The following HSPA4 variants were observed in gnomAD, a reference collection of about 807,000 sequenced individuals.
HSPA4 encodes the protein heat shock protein family A (Hsp70) member 4, also known as heat shock 70 kDa protein 4.
HSPA4 carries 25 observed loss-of-function variants against 106.2 expected under a neutral mutation model. That is an observed-to-expected ratio of 0.24 (90% CI 0.17 to 0.33). The LOEUF (loss-of-function observed/expected upper bound fraction) is 0.33, where lower values mean the gene tolerates loss of function less well. Ranked by LOEUF, HSPA4 falls within the 10% of genes least tolerant of loss-of-function variation. HSPA4 has a pLI of 1.00. For missense variants in HSPA4, 841 were observed against 996.0 expected (o/e 0.84, Z 2.10); for synonymous variants, 332 against 333.6 (o/e 1.00, Z 0.05).
At position 133,052,265 on chromosome 5, in the gene HSPA4, C is replaced by A; in HGVS notation, c.15C>A (p.Gly5=). Residue 5 remains glycine (G), a synonymous_variant, in exon 1 of 19, where the codon GGC becomes GGA. Transcript: ENST00000304858. MSVV[G]IDLGFQSCYV... is the part of the protein sequence containing the mutation. The stretch of plus-strand genomic sequence containing the variant: ...TAGCCGGCGCCATGTCGGTGGTGGG[C>A]ATAGACCTGGGCTTCCAGAGCTGCT... 1 of 1,592,540 alleles carries A rather than the reference C, an allele frequency of 6.3e-7. No homozygotes were observed. The highest frequency in any genetic ancestry group is 8.5e-7 in the Non-Finnish European group (1 of 1,172,838).
Position 133,070,356 on chromosome 5 carries a change from T to C in HSPA4, c.307-18T>C. The C allele has an allele frequency of 6.2e-7, 1 of 1,605,504 alleles. No individual in the cohort carries two copies. Among genetic ancestry groups the C allele is most frequent in the Non-Finnish European group, 8.5e-7 (1 of 1,177,220 alleles). The stretch of plus-strand genomic sequence containing the variant: ...AAGAAATATAATAAGTCTAGGCCCC[T>C]TTGTTGTTTTCTTGCAGGTGACATA... On this transcript the variant is annotated intron_variant, in intron 3 of 18. Coordinates refer to ENST00000304858, the MANE Select transcript of HSPA4 (RefSeq NM_002154.4).
chr5:133,098,927 C>T (rs760123131), intron 15 of HSPA4, among the ~76,000 whole-genome samples: 33 of 152,234 alleles, frequency 2.2e-4, no homozygotes, highest in Middle Eastern at 6.8e-3. Flanking sequence ...CCTCAGCCTC[C>T]CAAAGTGCTG....
intron 16 of HSPA4, chr5:133,101,525 G>A (rs1421212174): frequency 1.0e-5 from 4 of 394,742 alleles, no homozygotes; most frequent in Non-Finnish European, 1.8e-5. Context: ...TGGTCTCCCT[G>A]CTGTGTTTTG....
chr5:133,097,403 T>TC, intron 15 of HSPA4, 117 bp downstream of exon 15: 4 of 820,942 alleles, frequency 4.9e-6, no homozygotes, highest in Non-Finnish European at 7.4e-6. Flanking sequence ...ATGGAGTTTT[T>TC]CTGGGGGGGG....
intron 7 of HSPA4, among the ~76,000 whole-genome samples, chr5:133,080,818 C>T (rs1246687543): frequency 6.6e-6 from 1 of 151,846 alleles, no homozygotes; most frequent in Non-Finnish European, 1.5e-5. Context: ...CTTTCTAATT[C>T]TGATTTGTTC....
intron 4 of HSPA4, 28 bp downstream of exon 4, chr5:133,070,524 G>T: frequency 6.2e-7 from 1 of 1,610,420 alleles, no homozygotes; most frequent in Non-Finnish European, 8.5e-7. Context: ...ACATTATTGG[G>T]AATTTGCATG....
intron 17 of HSPA4, among the ~76,000 whole-genome samples, chr5:133,103,332 C>T (rs945716957): frequency 2.6e-5 from 4 of 151,364 alleles, no homozygotes; most frequent in East Asian, 3.9e-4. Flanking sequence ...GCTAAGATTA[C>T]GAGCGTGAGC....
rs750553611 is a variant in HSPA4, at chr5:133,101,761, T to A, written c.2040T>A (p.Asn680Lys). ...VYVDKLAELK[N>K]LGQPIKIRFQ... The stretch of plus-strand genomic sequence containing the variant: ...AGACTGTGTATTCTTCTGTTAAGAA[T>A]CTAGGTCAACCTATTAAGATACGTT... Residue 680 changes from asparagine to lysine, a missense_variant and splice_region_variant, in exon 17 of 19, where the codon AAT (asparagine) becomes AAA (lysine). By Grantham distance (94) the Asn-to-Lys change is moderately conservative. Around this residue, in one of 5 missense-constraint regions of HSPA4, gnomAD observed 328 missense variants for 372.2 expected, o/e 0.88. Transcript: ENST00000304858. 6.2e-7 allele frequency: 1 copy of A among 1,608,278 alleles called. No individual in the cohort carries two copies. The highest frequency in any genetic ancestry group is 1.1e-5 in the South Asian group (1 of 88,872).
chr5:133,088,560 A>C lies in HSPA4; in HGVS notation c.1137+5A>C. On this transcript the variant is annotated splice_donor_5th_base_variant and intron_variant, in intron 9 of 18. Coordinates refer to ENST00000304858, the MANE Select transcript of HSPA4 (RefSeq NM_002154.4). ...ACTCGAGGCTGTGCATTGCAGGTGA[A>C]TATTCTTTCTTTTATAGGTAACCAT... 6.2e-7 allele frequency: 1 copy of C among 1,610,384 alleles called. No homozygotes were observed. Among genetic ancestry groups the C allele is most frequent in the Non-Finnish European group, 8.5e-7 (1 of 1,176,884 alleles).
intron 1 of HSPA4, among the ~76,000 whole-genome samples, chr5:133,056,420 T>C (rs544093658): frequency 1.8e-4 from 28 of 152,290 alleles, no homozygotes; most frequent in African/African-American, 6.5e-4. Context: ...GTTGCGGTCA[T>C]GTGCATACAT....
rs1211417549 is a variant in HSPA4, at chr5:133,083,084, G to A, written c.909-3698G>A. Among the ~76,000 whole-genome samples the A allele has an allele frequency of 4.0e-5, 6 of 149,540 alleles. No homozygotes were observed. The East Asian group carries it at 1.2e-3, about 30-fold the overall frequency. On this transcript the variant is annotated intron_variant, in intron 7 of 18. Transcript: ENST00000304858. The stretch of plus-strand genomic sequence containing the variant: ...CGGGAGGTGGAGGCTGCAGTGAGCC[G>A]AGATACTGCCACTGCACTCCAGCCT...
At chr5:133,081,649 T>G (rs544985304) in intron 7 of HSPA4, among the ~76,000 whole-genome samples, 2 of 152,324 alleles carry the variant, frequency 1.3e-5, no homozygotes, top group Admixed American at 6.5e-5. Context: ...TATATACCCT[T>G]TTGTTTCCTT....
chr5:133,104,920 C>T lies in HSPA4; in HGVS notation c.*484C>T, dbSNP rs953161260. On this transcript the variant is annotated 3_prime_UTR_variant, in exon 19 of 19. Coordinates refer to ENST00000304858, the MANE Select transcript of HSPA4 (RefSeq NM_002154.4). ...GAGCATGGCACGGCATGGATTAACA[C>T]GGCAGAGGAACAAAGGTGTGCTCTG... 6 of 160,772 alleles carry T rather than the reference C, an allele frequency of 3.7e-5. No homozygotes were observed. The highest frequency in any genetic ancestry group is 7.2e-5 in the African/African-American group (3 of 41,496). 10.0% of individuals were successfully genotyped at this position (160,772 alleles called of 1,614,324 possible).
rs150323928 is a variant in HSPA4 at position 133,086,865 on chromosome 5, A to G, written c.985+7A>G. ...AGTGTTTTGGAACAAACCAGTAAGT[A>G]TTTTTGTGATTGAATTTGTTTGCGT... On this transcript the variant is annotated splice_region_variant and intron_variant, in intron 8 of 18. Transcript: ENST00000304858. 2,105 of 1,596,376 alleles carry G rather than the reference A, an allele frequency of 1.3e-3. 31 individuals carry two copies. Among genetic ancestry groups the G allele is most frequent in the South Asian group, 2.9e-4 (26 of 90,602 alleles).
chr5:133,089,782 G>T, intron 11 of HSPA4, 87 bp downstream of exon 11: 1 of 1,078,012 alleles, frequency 9.3e-7, no homozygotes, highest in Non-Finnish European at 1.3e-6. Context: ...GAAAGGCTAA[G>T]GTGGGAGGAT....
intron 15 of HSPA4, among the ~76,000 whole-genome samples, chr5:133,098,797 C>G (rs1235836020): frequency 6.6e-6 from 1 of 152,044 alleles, no homozygotes; most frequent in East Asian, 1.9e-4. Context: ...CTCAGCCTCC[C>G]TAGTAGCTGG....
At chr5:133,059,392 G>T (rs1157484546) in intron 1 of HSPA4, among the ~76,000 whole-genome samples, 4 of 151,446 alleles carry the variant, frequency 2.6e-5, no homozygotes, top group Non-Finnish European at 5.9e-5. Context: ...AGGTTGCAGT[G>T]AGCCGAGATT....
intron 16 of HSPA4, 26 bp downstream of exon 16, chr5:133,099,678 A>G (rs1268110367): frequency 6.3e-6 from 8 of 1,269,274 alleles, no homozygotes; most frequent in Non-Finnish European, 9.1e-6. Flanking sequence ...GAGCAGAGGT[A>G]TCCAGAACCC....
chr5:133,091,832 C>T (rs1260013680), intron 12 of HSPA4, among the ~76,000 whole-genome samples: 1 of 151,706 alleles, frequency 6.6e-6, no homozygotes, highest in African/African-American at 2.4e-5. Flanking sequence ...TTGAGGCCAG[C>T]CTGGGCAACA....
Sources: gnomAD v4.1 joint callset for allele counts (sites outside exome capture counted in the v4.1 genomes callset) on GRCh38, gnomAD v4.1.1 for gene constraint, gnomAD v4.1.1 regional missense constraint, MANE v1.5 for transcripts, NCBI Gene and HGNC (gene_info 2026-07-23, HGNC 2026-07-21) for gene names.